ABCG1: variants seen among roughly 807,000 people sequenced by gnomAD.
ABCG1 encodes ATP-binding cassette sub-family G member 1.
ABCG1 carries 29 observed loss-of-function variants against 69.2 expected under a neutral mutation model. The observed-to-expected ratio is 0.42, with a 90% CI of 0.31 to 0.57. The LOEUF is 0.57. ABCG1 is among the 20% of genes least tolerant of loss of function. The pLI is 0.15. For synonymous variants in ABCG1, 370 were observed against 374.8 expected (o/e 0.99, Z 0.15); for missense variants, 718 against 898.1 (o/e 0.80, Z 2.56).
At chr21:42,248,087 C>T (rs113912747) in intron 2 of ABCG1, among the ~76,000 whole-genome samples, 3,809 of 152,160 alleles carry the variant, frequency 0.025, 88 homozygotes, top group Middle Eastern at 0.048. Flanking sequence ...GAGAGAGCAA[C>T]GTTTTGAAAA....
intron 1 of ABCG1, 53 bp from the exon 2 acceptor site, chr21:42,225,618 T>C: frequency 6.3e-7 from 1 of 1,591,810 alleles, no homozygotes; most frequent in Non-Finnish European, 8.5e-7. Context: ...CTTCATGTTC[T>C]TTTTCTTGAT....
chr21:42,240,867 T>C (rs1396750687), intron 2 of ABCG1, among the ~76,000 whole-genome samples: 2 of 152,290 alleles, frequency 1.3e-5, no homozygotes, highest in Non-Finnish European at 1.5e-5. Flanking sequence ...TAAGCCCTAC[T>C]GTCCATCTTC....
chr21:42,264,403 A>ATCCATCCT (rs2068465998), intron 2 of ABCG1, among the ~76,000 whole-genome samples: 2 of 152,134 alleles, frequency 1.3e-5, no homozygotes, highest in African/African-American at 4.8e-5. Flanking sequence ...CCATCCATCC[A>ATCCATCCT]TCCATCCTTC....
intron 14 of ABCG1, 86 bp downstream of exon 14, chr21:42,294,746 C>G (rs750901344): frequency 2.5e-6 from 3 of 1,223,320 alleles, no homozygotes; most frequent in Non-Finnish European, 3.6e-6. Context: ...CTCACAAAAG[C>G]CACTCTGGGC....
At chr21:42,250,216 T>C (rs2068197781) in intron 2 of ABCG1, among the ~76,000 whole-genome samples, 1 of 152,016 alleles carries the variant, frequency 6.6e-6, no homozygotes, top group Non-Finnish European at 1.5e-5. Context: ...TAGCTGCGCG[T>C]GTTGACCTTC....
Position 42,288,002 on chromosome 21 carries a change from G to C in ABCG1, c.1087G>C (p.Val363Leu). 6.2e-7 allele frequency: 1 copy of C among 1,613,118 alleles called. No individual in the cohort carries two copies. The highest frequency in any genetic ancestry group is 8.5e-7 in the Non-Finnish European group (1 of 1,179,416). ...GAGAGACCTCGGGGGTGATGCCGAG[G>C]TGAACCCTTTTCTTTGGCACCGGCC... ...HKRDLGGDAE[V>L]NPFLWHRPSE... The change falls in exon 9 of 15, where the codon GTG (valine) becomes CTG (leucine). Residue 363 changes from valine to leucine, a missense_variant. Transcript: ENST00000398449. The surrounding 1 kb of genome is among the most constrained non-coding windows in gnomAD (Gnocchi z 4.8).
At chr21:42,236,123 T>C (rs1907831237) in intron 2 of ABCG1, among the ~76,000 whole-genome samples, 1 of 152,160 alleles carries the variant, frequency 6.6e-6, no homozygotes, top group African/African-American at 2.4e-5. Flanking sequence ...CACTGAAAAG[T>C]GGCCAGGGTG....
intron 2 of ABCG1, chr21:42,259,511 T>C (rs1437947862): frequency 6.5e-7 from 1 of 1,544,350 alleles, no homozygotes; most frequent in Admixed American, 2.0e-5. Context: ...TCAAGGTGCA[T>C]TGACTGAGGC....
chr21:42,295,710 G>A (rs1337732923), intron 14 of ABCG1, among the ~76,000 whole-genome samples: 3 of 152,194 alleles, frequency 2.0e-5, no homozygotes, highest in African/African-American at 7.2e-5. Flanking sequence ...AGAAACCGAC[G>A]TCTTTCTTCT....
At chr21:42,286,994 C>T (rs1192206396) in intron 8 of ABCG1, among the ~76,000 whole-genome samples, 1 of 152,116 alleles carries the variant, frequency 6.6e-6, no homozygotes, top group African/African-American at 2.4e-5. Flanking sequence ...GTGGCTTCAT[C>T]TAGGAGGTGT....
At chr21:42,294,298 A>C (rs2069160190) in intron 13 of ABCG1, among the ~76,000 whole-genome samples, 1 of 152,184 alleles carries the variant, frequency 6.6e-6, no homozygotes. Flanking sequence ...ACTGGGTCCC[A>C]GCTCATCCTG....
chr21:42,294,733 G>T, intron 14 of ABCG1, 73 bp downstream of exon 14: 1 of 1,420,444 alleles, frequency 7.0e-7, no homozygotes, highest in Non-Finnish European at 9.9e-7. Context: ...ACAGCGTGAG[G>T]GGCTCACAAA....
At position 42,291,272 on chromosome 21, in the gene ABCG1, C is replaced by A; in HGVS notation, c.1494+80C>A. 7.8e-7 allele frequency: 1 copy of A among 1,287,426 alleles called. No individual in the cohort carries two copies. Among genetic ancestry groups the A allele is most frequent in the Non-Finnish European group, 1.1e-6 (1 of 902,644 alleles). The allele number at this position is 1,287,426 out of a possible 1,614,324, so 79.8% of individuals were successfully genotyped here. A position where few individuals can be genotyped will look rare whatever the true frequency, so the allele number is the denominator to read the frequency against. On this transcript the variant is annotated intron_variant, in intron 12 of 14. Transcript: ENST00000398449. This position sits in a 1 kb window ranked among gnomAD's most constrained non-coding sequence, Gnocchi z 6.4. ...CCTTTATATCGAGTAAGAGGACCTGCCAGGGATGCAGGGTGACATGGCCCG... is the reference window on the plus strand; with the variant it reads ...CCTTTATATCGAGTAAGAGGACCTGACAGGGATGCAGGGTGACATGGCCCG...
At chr21:42,278,508 C>T (rs1327881899) in intron 5 of ABCG1, among the ~76,000 whole-genome samples, 1 of 152,060 alleles carries the variant, frequency 6.6e-6, no homozygotes, top group East Asian at 1.9e-4. Flanking sequence ...TAACTGTGTC[C>T]CTGTAAGAAG....
At chr21:42,265,733 T>A (rs2068492450) in intron 2 of ABCG1, among the ~76,000 whole-genome samples, 1 of 152,146 alleles carries the variant, frequency 6.6e-6, no homozygotes. Flanking sequence ...GCTTTCCAGA[T>A]GTGCACCTCT....
upstream of ABCG1, among the ~76,000 whole-genome samples, chr21:42,212,782 T>C (rs1180863187): frequency 4.6e-5 from 7 of 151,348 alleles, no homozygotes; most frequent in Non-Finnish European, 8.8e-5. Flanking sequence ...CAAGCTCCGC[T>C]TCCCGGGTTC....
chr21:42,201,541 G>T, intron 1 of ABCG1: 1 of 1,387,206 alleles, frequency 7.2e-7, no homozygotes, highest in Non-Finnish European at 9.8e-7. Context: ...ATCTGAGTGA[G>T]CTTCATTCTG....
At position 42,290,338 on chromosome 21, in the gene ABCG1, A is replaced by T. The variant is rs189571032; in HGVS notation, c.1393+120A>T. On this transcript the variant is annotated intron_variant, in intron 11 of 14. Coordinates refer to ENST00000398449, the MANE Select transcript of ABCG1 (RefSeq NM_016818.3). Reference sequence around the variant, plus strand: ...CTAAACACAATGTTTTTGTTTTTTTAAAATATCATCTTCTTTGTTGACAGA... The same window carrying T: ...CTAAACACAATGTTTTTGTTTTTTTTAAATATCATCTTCTTTGTTGACAGA... The T allele has an allele frequency of 1.6e-4, 177 of 1,138,138 alleles. 1 individual carries two copies. In the African/African-American group the frequency reaches 2.4e-3, roughly 15 times the overall value. 70.5% of individuals were successfully genotyped at this position (1,138,138 alleles called of 1,614,324 possible).
chr21:42,227,603 G>A (rs1016879735), intron 2 of ABCG1, among the ~76,000 whole-genome samples: 2 of 152,212 alleles, frequency 1.3e-5, no homozygotes, highest in Non-Finnish European at 2.9e-5. Flanking sequence ...CTTGGCATAA[G>A]CCTGGCACAC....
Sources: gnomAD v4.1 joint callset for allele counts (sites outside exome capture counted in the v4.1 genomes callset) on GRCh38, gnomAD v4.1.1 for gene constraint, Gnocchi (gnomAD v3.1) non-coding constraint, MANE v1.5 for transcripts, NCBI Gene and HGNC (gene_info 2026-07-23, HGNC 2026-07-21) for gene names.